The following SPATC1L variants were observed in gnomAD, a reference collection of about 807,000 sequenced individuals.
SPATC1L encodes speriolin-like protein.
In SPATC1L, 20 loss-of-function variants were observed where a neutral mutation model predicts 21.2. The ratio of observed to expected loss-of-function variants is 0.94; its 90% CI spans 0.66 to 1.37. The LOEUF (loss-of-function observed/expected upper bound fraction) is 1.37. Among genes scored for constraint, SPATC1L ranks in the 40% most tolerant of loss-of-function variants. SPATC1L has a pLI of 0.00. For missense variants in SPATC1L, 499 were observed against 478.7 expected (o/e 1.04, Z -0.40); for synonymous variants, 290 against 234.5 (o/e 1.24, Z -2.16).
At chr21:46,176,309 A>G (rs2079632993) in intron 2 of SPATC1L, among the ~76,000 whole-genome samples, 1 of 152,200 alleles carries the variant, frequency 6.6e-6, no homozygotes, top group Non-Finnish European at 1.5e-5. Context: ...AAAGAAATAA[A>G]GCCCATCCAA....
rs539611530 is a variant in SPATC1L at position 46,166,994 on chromosome 21, A to C, written c.544+1314T>G. Reference sequence around the variant, plus strand: ...ACACCTGCTTCTCATTAGCACATGGATCATTCTCAAGGATAGACCATATGC... The same window carrying C: ...ACACCTGCTTCTCATTAGCACATGGCTCATTCTCAAGGATAGACCATATGC... On this transcript the variant is annotated intron_variant, in intron 3 of 4. Coordinates refer to ENST00000291672, the MANE Select transcript of SPATC1L (RefSeq NM_001142854.2). Among the ~76,000 whole-genome samples the C allele has an allele frequency of 1.8e-4, 28 of 152,358 alleles. No individual in the cohort carries two copies. The South Asian group carries it at 5.8e-3, about 32-fold the overall frequency.
chr21:46,169,298 C>T (rs558631044), intron 2 of SPATC1L, among the ~76,000 whole-genome samples: 36 of 150,394 alleles, frequency 2.4e-4, no homozygotes, highest in African/African-American at 8.6e-4. Context: ...TGTGAACATC[C>T]TCTGTGGATG....
chr21:46,179,818 G>A (rs1446778027), intron 2 of SPATC1L, among the ~76,000 whole-genome samples: 1 of 152,252 alleles, frequency 6.6e-6, no homozygotes, highest in Non-Finnish European at 1.5e-5. Flanking sequence ...AGATGGGGCA[G>A]CTGGGAGGGG....
chr21:46,161,717 G>A lies in SPATC1L; in HGVS notation c.697-12C>T. 1 of 1,574,032 alleles carries A rather than the reference G, an allele frequency of 6.4e-7. No individual in the cohort carries two copies. The highest frequency in any genetic ancestry group is 8.6e-7 in the Non-Finnish European group (1 of 1,159,478). On this transcript the variant is annotated splice_polypyrimidine_tract_variant and intron_variant, in intron 4 of 4. Transcript: ENST00000291672. Reference sequence around the variant, plus strand: ...GACTTGGTGGAGGTCTGCGGGCGCAGCGCATGGATGGGGGTGGGGGGCTCG... The same window carrying A: ...GACTTGGTGGAGGTCTGCGGGCGCAACGCATGGATGGGGGTGGGGGGCTCG...
At chr21:46,166,399 G>C (rs1194314324) in intron 3 of SPATC1L, among the ~76,000 whole-genome samples, 1 of 151,824 alleles carries the variant, frequency 6.6e-6, no homozygotes, top group East Asian at 1.9e-4. Flanking sequence ...TCAAATCGAT[G>C]AATGATAGTA....
At chr21:46,180,231 T>C (rs73144732) in intron 2 of SPATC1L, among the ~76,000 whole-genome samples, 15,583 of 152,114 alleles carry the variant, frequency 0.1, 1,005 homozygotes, top group African/African-American at 0.17. Context: ...TAAGGACTGG[T>C]GGGGAATGCC....
chr21:46,164,794 G>GAAAAAAAA (rs72042671), intron 3 of SPATC1L, among the ~76,000 whole-genome samples: 4,121 of 86,110 alleles, frequency 0.048, 299 homozygotes, highest in African/African-American at 0.15. Context: ...TCCATCTCAA[G>GAAAAAAAA]AAAAAAAAAA....
intron 4 of SPATC1L, 101 bp downstream of exon 4, chr21:46,161,815 C>A: frequency 6.6e-7 from 1 of 1,518,666 alleles, no homozygotes; most frequent in Non-Finnish European, 8.8e-7. Context: ...GGGGTCCCCT[C>A]CTGCGGACAG....
chr21:46,173,268 C>A (rs1244157897), intron 2 of SPATC1L, among the ~76,000 whole-genome samples: 3 of 152,172 alleles, frequency 2.0e-5, no homozygotes, highest in African/African-American at 4.8e-5. Flanking sequence ...GCTTGCAGGG[C>A]AGTCTTGGGT....
chr21:46,178,246 A>C (rs1288033717), intron 2 of SPATC1L, among the ~76,000 whole-genome samples: 1 of 151,642 alleles, frequency 6.6e-6, no homozygotes, highest in Non-Finnish European at 1.5e-5. Flanking sequence ...AAAAAAAAAA[A>C]AAAAAAAAAA....
At chr21:46,164,000 T>TGTTTG (rs1352355492) in intron 3 of SPATC1L, among the ~76,000 whole-genome samples, 1 of 152,162 alleles carries the variant, frequency 6.6e-6, no homozygotes, top group Non-Finnish European at 1.5e-5. Flanking sequence ...GTTTATTTAT[T>TGTTTG]TATTGTTTGT....
intron 2 of SPATC1L, among the ~76,000 whole-genome samples, chr21:46,171,662 T>G (rs1234131022): frequency 2.0e-5 from 3 of 152,072 alleles, no homozygotes; most frequent in Non-Finnish European, 4.4e-5. Flanking sequence ...TAAAAGGAGA[T>G]AGCCTGGAAA....
chr21:46,170,578 C>T (rs368899108), intron 2 of SPATC1L, among the ~76,000 whole-genome samples: 220 of 74,464 alleles, frequency 3.0e-3, no homozygotes, highest in Middle Eastern at 7.4e-3. Context: ...TGTGAGCATC[C>T]TCTGTGGTCC....
In SPATC1L at chr21:46,182,682, G is replaced by C. The variant is rs1343358443; in HGVS notation, c.135C>G (p.His45Gln). 1.1e-5 allele frequency: 17 copies of C among 1,542,192 alleles called. No homozygotes were observed. In the East Asian group the frequency reaches 4.2e-4, roughly 38 times the overall value. Residue 45 changes from histidine (H) to glutamine (Q), a missense_variant, in exon 2 of 5, where the codon CAC becomes CAG. By Grantham distance (24) the His-to-Gln change is conservative (BLOSUM62 0). Coordinates refer to ENST00000291672, the MANE Select transcript of SPATC1L (RefSeq NM_001142854.2). Reference sequence around the variant, plus strand: ...CATGCGCCCTGGGTGGGAGCAGGTCGTGGCCGCCGCCCTCCTGGCAGCTCT... The same window carrying C: ...CATGCGCCCTGGGTGGGAGCAGGTCCTGGCCGCCGCCCTCCTGGCAGCTCT... ...LSQSCQEGGG[H>Q]DLLPPRAHAY...
rs763467900 is a variant in SPATC1L, at chr21:46,161,913, C to T, written c.696+3G>A. The T allele has an allele frequency of 1.4e-5, 22 of 1,605,260 alleles. No homozygotes were observed. The highest frequency in any genetic ancestry group is 1.8e-5 in the Non-Finnish European group (21 of 1,179,176). ...CTGGCCGCGCCCTCCCCACGGGGCGCACCTGCTCGATCTTCTCGGGGATGT... is the reference window on the plus strand; with the variant it reads ...CTGGCCGCGCCCTCCCCACGGGGCGTACCTGCTCGATCTTCTCGGGGATGT... On this transcript the variant is annotated splice_donor_region_variant and intron_variant, in intron 4 of 4. Coordinates refer to ENST00000291672, the MANE Select transcript of SPATC1L (RefSeq NM_001142854.2).
intron 2 of SPATC1L, among the ~76,000 whole-genome samples, chr21:46,170,401 C>A (rs56253194): frequency 7.6e-6 from 1 of 132,026 alleles, no homozygotes; most frequent in Non-Finnish European, 1.6e-5. Flanking sequence ...CCAGGAGGAG[C>A]CTCCTGCTCT....
rs1300058185 is a variant in SPATC1L, at chr21:46,183,315, G to A, written c.-499C>T. The A allele has an allele frequency of 5.9e-6, 1 of 168,172 alleles. No homozygotes were observed. Among genetic ancestry groups the A allele is most frequent in the African/African-American group, 2.4e-5 (1 of 41,656 alleles). The allele number at this position is 168,172 out of a possible 1,614,324, so 10.4% of individuals were successfully genotyped here. The stretch of plus-strand genomic sequence containing the variant: ...GCTTCCTGTGGACCCTGGCACCCAG[G>A]GCAGCAACTGATGTGCAGGTGTTCA... On this transcript the variant is annotated 5_prime_UTR_variant, in exon 2 of 5. Transcript: ENST00000291672.
At chr21:46,169,132 C>A (rs61483198) in intron 2 of SPATC1L, among the ~76,000 whole-genome samples, 19,947 of 151,350 alleles carry the variant, frequency 0.13, 1,764 homozygotes, top group Non-Finnish European at 0.18. Flanking sequence ...CATGAGCACA[C>A]ATACAGACAC....
At chr21:46,174,972 C>T (rs2079622177) in intron 2 of SPATC1L, among the ~76,000 whole-genome samples, 1 of 152,192 alleles carries the variant, frequency 6.6e-6, no homozygotes. Context: ...TCTCAGACGA[C>T]AACGGACCCA....
Sources: allele counts gnomAD v4.1 joint callset (sites outside exome capture counted in the v4.1 genomes callset), GRCh38; gene constraint gnomAD v4.1.1; transcripts MANE v1.5; gene names NCBI Gene and HGNC (gene_info 2026-07-23, HGNC 2026-07-21).